LILRB3: variants seen among roughly 807,000 people sequenced by gnomAD.
LILRB3 encodes leukocyte immunoglobulin-like receptor subfamily B member 3.
LILRB3 carries 32 observed loss-of-function variants against 68.2 expected under a neutral mutation model. The observed-to-expected ratio is 0.47, with a 90% confidence interval of 0.35 to 0.63. The LOEUF is 0.63. LILRB3 is among the 30% of genes least tolerant of loss of function. LILRB3 has a pLI of 0.00. For missense variants in LILRB3, 502 were observed against 791.3 expected (o/e 0.63, Z 4.39); for synonymous variants, 185 against 323.1 (o/e 0.57, Z 4.58).
exon 4 of LILRB3, chr19:54,221,926 G>A: frequency 1.4e-6 from 2 of 1,454,842 alleles, no homozygotes; most frequent in Non-Finnish European, 1.9e-6. Flanking sequence ...GTGGCTGGGG[G>A]TCACGGGGCC....
At chr19:54,218,136 G>A (rs966511298) in intron 11 of LILRB3, among the ~76,000 whole-genome samples, 1 of 151,660 alleles carries the variant, frequency 6.6e-6, no homozygotes, top group Non-Finnish European at 1.5e-5. Flanking sequence ...ACAACCAGAC[G>A]GCCAAACAGA....
exon 11 of LILRB3, chr19:54,218,393 G>C: frequency 6.2e-7 from 1 of 1,614,154 alleles, no homozygotes; most frequent in South Asian, 1.1e-5. Flanking sequence ...TCCTCAGACT[G>C]TGTGTCCTTC....
At chr19:54,216,291 C>A (rs2077479340) in exon 13 of LILRB3, 1 of 150,178 alleles carries the variant, frequency 6.7e-6, no homozygotes, top group Non-Finnish European at 1.5e-5. Flanking sequence ...GGTTATGCTT[C>A]TTTTTTATTT....
Position 54,218,634 on chromosome 19 carries a change from C to G in LILRB3, c.1540+11G>C, listed in dbSNP as rs1052308575. On this transcript the variant is annotated intron_variant, in intron 10 of 12. Transcript: ENST00000445347. ...TCCAGCACCCCCATTTGTCCCCTCT[C>G]TTCCTCTTACAGAGGTTTTCTTCCT... 1.9e-6 allele frequency: 3 copies of G among 1,614,072 alleles called. No individual in the cohort carries two copies. The highest frequency in any genetic ancestry group is 2.5e-6 in the Non-Finnish European group (3 of 1,180,048).
chr19:54,218,958 A>G lies in LILRB3; in HGVS notation c.1427-120T>C, dbSNP rs1162707282. The G allele has an allele frequency of 3.9e-6, 6 of 1,540,730 alleles. No homozygotes were observed. In the South Asian group the frequency reaches 6.0e-5, roughly 15 times the overall value. ...CCTGCATGGATGTTCCAAATATTTTATGAGATAGAAAAAAACTCCCATGAA... is the reference window on the plus strand; with the variant it reads ...CCTGCATGGATGTTCCAAATATTTTGTGAGATAGAAAAAAACTCCCATGAA... On this transcript the variant is annotated intron_variant, in intron 8 of 12. Coordinates refer to ENST00000445347, the Ensembl canonical transcript of LILRB3.
At position 54,221,212 on chromosome 19, in the gene LILRB3, G is replaced by C; in HGVS notation, c.826C>G (p.Leu276Val). ...CCCAGGGTGAAGTTGGCCTGGGAGA[G>C]CCCAGCCTGGGGCTGCTGGCCAGGG... Residue 276 changes from leucine (L) to valine (V), a missense_variant, in exon 5 of 13, where the codon CTC (leucine) becomes GTC (valine). Physicochemically the swap from Leu to Val is conservative, Grantham distance 32. Around this residue, in one of 8 missense-constraint regions of LILRB3, gnomAD observed 77 missense variants for 152.8 expected, o/e 0.50. Transcript: ENST00000445347. The C allele has an allele frequency of 1.3e-6, 2 of 1,566,952 alleles. 1 individual carries two copies. Among genetic ancestry groups the C allele is most frequent in the Admixed American group, 3.7e-5 (2 of 54,386 alleles).
chr19:54,217,231 T>C, exon 13 of LILRB3: 1 of 1,597,420 alleles, frequency 6.3e-7, no homozygotes, highest in Non-Finnish European at 8.5e-7. Context: ...AGGCTTCAGA[T>C]GCAGCAGCCT....
chr19:54,218,327 G>A (rs1366643738), intron 11 of LILRB3, 34 bp downstream of exon 11: 2 of 1,613,266 alleles, frequency 1.2e-6, no homozygotes, highest in Admixed American at 3.3e-5. Flanking sequence ...GGCACCAGGA[G>A]GCCTTTGGTG....
chr19:54,220,552 C>T (rs1169705481), exon 6 of LILRB3: 1 of 1,370,120 alleles, frequency 7.3e-7, no homozygotes, highest in Non-Finnish European at 9.9e-7. Flanking sequence ...TCCAGGGGCT[C>T]ACTGGGGAAA....
chr19:54,222,112 G>C, exon 4 of LILRB3: 2 of 1,607,702 alleles, frequency 1.2e-6, no homozygotes. Context: ...GGCTGAGAGG[G>C]TGGGTTTGTT....
At chr19:54,219,569 C>G in intron 7 of LILRB3, 1 of 1,549,096 alleles carries the variant, frequency 6.5e-7, no homozygotes, top group African/African-American at 1.4e-5. Context: ...CGGCCCTGCT[C>G]CCCTCCCCTG....
chr19:54,219,239 C>T (rs1247371886), exon 8 of LILRB3: 1 of 1,573,118 alleles, frequency 6.4e-7, no homozygotes, highest in Non-Finnish European at 8.6e-7. Flanking sequence ...CAGGTATCTT[C>T]CCAGACCTTG....
rs2077815817 is a variant in LILRB3, at chr19:54,219,206, AC to A, written c.1348del (p.Val450TrpfsTer50). 6.2e-7 allele frequency: 1 copy of A among 1,603,964 alleles called. No homozygotes were observed. On this transcript the variant is annotated frameshift_variant, in exon 8 of 13. Coordinates refer to ENST00000445347, the Ensembl canonical transcript of LILRB3. LOFTEE classifies it high-confidence loss of function. ...GAGGAAGAGCAGCAGGACGAAGGCC[AC>A]CGAGACCCCAATCAAAACCTCCAGG...
At chr19:54,219,420 G>C in intron 7 of LILRB3, 175 bp from the exon 8 acceptor site, 1 of 1,491,316 alleles carries the variant, frequency 6.7e-7, no homozygotes, top group South Asian at 1.2e-5. Context: ...GCTCAGAGCA[G>C]GGAGTCGCCT....
At chr19:54,219,096 G>A in intron 8 of LILRB3, 33 bp downstream of exon 8, 1 of 1,557,876 alleles carries the variant, frequency 6.4e-7, no homozygotes, top group Non-Finnish European at 8.7e-7. Flanking sequence ...CCCACCCTCG[G>A]TCGACCCATG....
intron 7 of LILRB3, chr19:54,219,613 G>T: frequency 1.3e-6 from 2 of 1,530,580 alleles, no homozygotes; most frequent in South Asian, 2.4e-5. Context: ...AGGTGGGACG[G>T]GACAGGCCCC....
rs200126084 is a variant in LILRB3 at position 54,217,246 on chromosome 19, C to T, written c.1750-7G>A. 491 of 805,720 alleles carry T rather than the reference C, an allele frequency of 6.1e-4. 1 individual carries two copies. Among genetic ancestry groups the T allele is most frequent in the Admixed American group, 2.5e-3 (88 of 35,088 alleles). The allele number at this position is 805,720 out of a possible 1,614,324, so 49.9% of individuals were successfully genotyped here. A position where few individuals can be genotyped will look rare whatever the true frequency, so the allele number is the denominator to read the frequency against. On this transcript the variant is annotated splice_region_variant and splice_polypyrimidine_tract_variant and intron_variant, in intron 12 of 12. Transcript: ENST00000445347. ...AGGCTTCAGATGCAGCAGCCTGCAG[C>T]GGGGGAGAGTGAGAGGTAAGGAACG...
At chr19:54,218,578 G>C (rs1568946633) in intron 10 of LILRB3, 67 bp downstream of exon 10, 1 of 1,612,400 alleles carries the variant, frequency 6.2e-7, no homozygotes, top group Non-Finnish European at 8.5e-7. Context: ...GCCCCTCCCT[G>C]TTGCTACTGA....
In LILRB3 at chr19:54,219,260, G is replaced by A. The variant is rs761340798; in HGVS notation, c.1310-15C>T. The A allele has an allele frequency of 4.7e-5, 73 of 1,538,708 alleles. No homozygotes were observed. In the East Asian group the frequency reaches 1.2e-3, roughly 25 times the overall value. The stretch of plus-strand genomic sequence containing the variant: ...TCTTCCCAGACCTTGACATGAGGAC[G>A]TCAGGAGTGGGAATGATGTCATTGA... On this transcript the variant is annotated splice_polypyrimidine_tract_variant and intron_variant, in intron 7 of 12. Coordinates refer to ENST00000445347, the Ensembl canonical transcript of LILRB3.
Sources: gnomAD v4.1 joint callset for allele counts (sites outside exome capture counted in the v4.1 genomes callset) on GRCh38, gnomAD v4.1.1 for gene constraint, gnomAD v4.1.1 regional missense constraint, MANE v1.5 for transcripts, NCBI Gene and HGNC (gene_info 2026-07-23, HGNC 2026-07-21) for gene names.